The following PCNT variants were observed in gnomAD, a reference collection of about 807,000 sequenced individuals.
PCNT encodes kendrin.
Under a neutral mutation model 380.4 loss-of-function variants are expected in PCNT, and 319 were observed. The observed-to-expected ratio is 0.84, with a 90% CI of 0.77 to 0.92. PCNT has a LOEUF of 0.92. Among genes scored for constraint, PCNT ranks in the 40% least tolerant of loss-of-function variants. The pLI, the probability that PCNT is intolerant of heterozygous loss-of-function variation, is 0.00. For synonymous variants in PCNT, 1,845 were observed against 1,735.2 expected, an observed-to-expected ratio of 1.06 and a Z score of -1.57; for missense variants, 4,400 against 4,255.3, an observed-to-expected ratio of 1.03 and a Z score of -0.95.
intron 1 of PCNT, chr21:46,325,056 C>T (rs562175574): frequency 2.0e-6 from 2 of 985,398 alleles, no homozygotes; most frequent in Admixed American, 6.1e-5. Flanking sequence ...GTCTTTCTCC[C>T]GCCCCGGGTT....
chr21:46,335,732 G>C (rs1300843866), intron 3 of PCNT, among the ~76,000 whole-genome samples: 1 of 142,900 alleles, frequency 7.0e-6, no homozygotes, highest in Non-Finnish European at 1.5e-5. Context: ...TTGCTCTATT[G>C]CCCAGGCTGG....
chr21:46,341,748 G>A (rs749333188), intron 3 of PCNT, among the ~76,000 whole-genome samples: 4 of 151,868 alleles, frequency 2.6e-5, no homozygotes, highest in African/African-American at 7.3e-5. Flanking sequence ...TGGCACAATC[G>A]TAGCTTACTG....
Position 46,366,855 on chromosome 21 carries a change from G to T in PCNT, c.2881G>T (p.Glu961Ter). ...TKHAADLGAL[E>*]TRHLSSLDSL... ...ACACGCTGCCGACCTCGGCGCTCTG[G>T]AGACCAGACATCTGTCCAGCCTTGA... Residue 961 changes from glutamate to a stop codon, truncating the protein, a stop_gained, in exon 15 of 47, where the codon GAG becomes TAG. Transcript: ENST00000359568. LOFTEE classifies it high-confidence loss of function. The T allele has an allele frequency of 6.2e-7, 1 of 1,614,104 alleles. No homozygotes were observed. Among genetic ancestry groups the T allele is most frequent in the South Asian group, 1.1e-5 (1 of 91,084 alleles).
chr21:46,430,683 C>T lies in PCNT; in HGVS notation c.8064+26C>T, dbSNP rs1342893191. 9 of 1,559,778 alleles carry T rather than the reference C, an allele frequency of 5.8e-6. No homozygotes were observed. The East Asian group carries it at 1.2e-4, about 21-fold the overall frequency. On this transcript the variant is annotated intron_variant, in intron 37 of 46. Transcript: ENST00000359568. ...GTAACAGGGTGTCAGGGCAAGGCAGCCGGCATGGGCTGTGTGCACTGGAAG... is the reference window on the plus strand; with the variant it reads ...GTAACAGGGTGTCAGGGCAAGGCAGTCGGCATGGGCTGTGTGCACTGGAAG...
chr21:46,383,474 C>T (rs1490140704), intron 16 of PCNT, among the ~76,000 whole-genome samples: 1 of 141,208 alleles, frequency 7.1e-6, no homozygotes, highest in African/African-American at 2.6e-5. Context: ...AGCGCATTCA[C>T]AGTGTTGTAT....
At chr21:46,353,429 T>A in intron 10 of PCNT, 103 bp downstream of exon 10, 1 of 936,484 alleles carries the variant, frequency 1.1e-6, no homozygotes, top group Non-Finnish European at 1.7e-6. Flanking sequence ...TAGGCACCAA[T>A]GGCCTTTTAT....
chr21:46,347,700 T>C (rs1426878170), intron 6 of PCNT, among the ~76,000 whole-genome samples, 188 bp downstream of exon 6: 3 of 152,242 alleles, frequency 2.0e-5, no homozygotes, highest in Admixed American at 1.3e-4. Flanking sequence ...AGAAAACTTG[T>C]TTTGTTGTTT....
intron 28 of PCNT, 142 bp from the exon 29 acceptor site, chr21:46,412,695 G>A (rs2086828097): frequency 1.1e-6 from 1 of 887,400 alleles, no homozygotes; most frequent in African/African-American, 1.6e-5. Flanking sequence ...GTGGACCAAG[G>A]TGCTCGGCTG....
In PCNT at chr21:46,385,966, C is replaced by T; in HGVS notation, c.3447C>T (p.Asn1149=). 1.2e-6 allele frequency: 2 copies of T among 1,614,152 alleles called. No homozygotes were observed. Among genetic ancestry groups the T allele is most frequent in the South Asian group, 1.1e-5 (1 of 91,088 alleles). The change falls in exon 17 of 47, where the codon AAC becomes AAT. Residue 1149 remains asparagine, a synonymous_variant. Transcript: ENST00000359568. Reference sequence around the variant, plus strand: ...TCTCCATGCTCAAGGCCGACGTCAACCTGTCCCACAGCGAAAGGTCAGTGT... The same window carrying T: ...TCTCCATGCTCAAGGCCGACGTCAATCTGTCCCACAGCGAAAGGTCAGTGT... ...NLLSMLKADV[N]LSHSERGALQ... is the part of the protein sequence containing the mutation.
chr21:46,324,319 G>C, intron 1 of PCNT, 37 bp downstream of exon 1: 1 of 1,551,426 alleles, frequency 6.4e-7, no homozygotes, highest in Non-Finnish European at 8.8e-7. Flanking sequence ...CTGCTCTGGC[G>C]TGAAGTCCTA....
At chr21:46,375,961 A>G (rs901850834) in intron 15 of PCNT, among the ~76,000 whole-genome samples, 2 of 152,246 alleles carry the variant, frequency 1.3e-5, no homozygotes, top group African/African-American at 4.8e-5. Context: ...AAGACTGCAC[A>G]CATGGAGCTT....
chr21:46,369,107 C>G (rs1198489406), intron 15 of PCNT, among the ~76,000 whole-genome samples: 1 of 152,152 alleles, frequency 6.6e-6, no homozygotes, highest in African/African-American at 2.4e-5. Context: ...GGGGGAATTC[C>G]TAGAAAGCAG....
In PCNT at chr21:46,324,218, G is replaced by A. The variant is rs1183412017; in HGVS notation, c.-11G>A. The A allele has an allele frequency of 6.2e-7, 1 of 1,609,850 alleles. No homozygotes were observed. Among genetic ancestry groups the A allele is most frequent in the Non-Finnish European group, 8.5e-7 (1 of 1,178,178 alleles). ...GTCACCGCCGGGCGGCCCGCGCGGA[G>A]TCTGAGGGAGATGGAAGTTGAGCAA... On this transcript the variant is annotated 5_prime_UTR_variant, in exon 1 of 47. Transcript: ENST00000359568.
chr21:46,394,173 A>G (rs1023283592), intron 21 of PCNT, among the ~76,000 whole-genome samples: 1 of 152,162 alleles, frequency 6.6e-6, no homozygotes, highest in Non-Finnish European at 1.5e-5. Context: ...GGCAGGGCCT[A>G]GGCTCTGACG....
intron 13 of PCNT, among the ~76,000 whole-genome samples, chr21:46,360,809 C>T (rs941361342): frequency 1.3e-5 from 2 of 152,168 alleles, no homozygotes; most frequent in African/African-American, 4.8e-5. Flanking sequence ...TGAGCCACCA[C>T]GCCTGGCCAT....
chr21:46,324,282 G>C lies in PCNT; in HGVS notation c.54G>C (p.Lys18Asn). The C allele has an allele frequency of 6.2e-7, 1 of 1,609,840 alleles. No individual in the cohort carries two copies. The highest frequency in any genetic ancestry group is 1.1e-5 in the South Asian group (1 of 90,366). Reference sequence around the variant, plus strand: ...GAAAGGTGGAGGCCGGGAGGACGAAGGTAAACATTAGGGGCTTCTTCTCTA... The same window carrying C: ...GAAAGGTGGAGGCCGGGAGGACGAACGTAAACATTAGGGGCTTCTTCTCTA... ...RRRKVEAGRT[K>N]LAHFRQRKTK... Residue 18 changes from lysine to asparagine, a missense_variant and splice_region_variant, in exon 1 of 47, where the codon AAG becomes AAC. Coordinates refer to ENST00000359568, the MANE Select transcript of PCNT (RefSeq NM_006031.6).
Position 46,431,945 on chromosome 21 carries a change from G to A in PCNT, c.8481G>A (p.Gln2827=). The part of the protein sequence containing the change: ...HSQQQLEAEA[Q]KHCEALRREK... ...AGCAGCAGCTTGAGGCTGAGGCTCA[G>A]AAGCACTGTGAGGCGCTCAGGAGAG... is the stretch of plus-strand genomic sequence containing the variant. Residue 2827 remains glutamine, a synonymous_variant, in exon 38 of 47, where the codon CAG becomes CAA. Transcript: ENST00000359568. 1 of 1,614,078 alleles carries A rather than the reference G, an allele frequency of 6.2e-7. No individual in the cohort carries two copies. Among genetic ancestry groups the A allele is most frequent in the African/African-American group, 1.3e-5 (1 of 75,072 alleles).
At chr21:46,415,487 G>A (rs2086990856) in intron 29 of PCNT, among the ~76,000 whole-genome samples, 2 of 142,282 alleles carry the variant, frequency 1.4e-5, no homozygotes, top group Admixed American at 1.5e-4. Flanking sequence ...CTGGGTTCAA[G>A]CAATTCACTG....
chr21:46,422,293 C>T (rs1164579870), intron 32 of PCNT, among the ~76,000 whole-genome samples, 169 bp downstream of exon 32: 4 of 152,162 alleles, frequency 2.6e-5, no homozygotes, highest in Admixed American at 1.3e-4. Flanking sequence ...ACGGTGGCCC[C>T]GGAAGCCGCC....
Sources: gnomAD v4.1 joint callset for allele counts (sites outside exome capture counted in the v4.1 genomes callset) on GRCh38, gnomAD v4.1.1 for gene constraint, MANE v1.5 for transcripts, NCBI Gene and HGNC (gene_info 2026-07-23, HGNC 2026-07-21) for gene names.